Variants in TAC3 observed in about 807,000 individuals in gnomAD.
TAC3 encodes tachykinin precursor 3.
Under a neutral mutation model 16.5 loss-of-function variants are expected in TAC3, and 9 were observed. That is an observed-to-expected ratio of 0.55 (90% CI 0.33 to 0.95). The LOEUF (loss-of-function observed/expected upper bound fraction) is 0.95. TAC3 is among the 40% of genes least tolerant of loss of function. The pLI is 0.03. For missense variants in TAC3, 129 were observed against 149.1 expected, an observed-to-expected ratio of 0.87 and a Z score of 0.70; for synonymous variants, 52 against 56.7, an observed-to-expected ratio of 0.92 and a Z score of 0.37.
At chr12:57,012,580 CAG>C (rs779242125) in intron 5 of TAC3, 128 bp from the exon 6 acceptor site, 51 of 1,603,430 alleles carry the variant, frequency 3.2e-5, no homozygotes, top group Admixed American at 3.0e-4. Context: ...GGGGTGGAAG[CAG>C]AGTCTCCCTA....
chr12:57,013,162 C>T, intron 4 of TAC3, 197 bp downstream of exon 4: 1 of 747,228 alleles, frequency 1.3e-6, no homozygotes, highest in Non-Finnish European at 2.3e-6. Flanking sequence ...AGAGGGAGAG[C>T]CCACCATGCC....
At chr12:57,012,332 G>GCCCCCACCCCACTC in intron 6 of TAC3, 46 bp downstream of exon 6, 3 of 1,498,480 alleles carry the variant, frequency 2.0e-6, no homozygotes, top group African/African-American at 1.4e-5. Context: ...AACCCCCACA[G>GCCCCCACCCCACTC]CCCCCTCCCC....
chr12:57,012,372 C>G lies in TAC3; in HGVS notation c.*1+6G>C. On this transcript the variant is annotated splice_donor_region_variant and intron_variant, in intron 6 of 6. Transcript: ENST00000458521. ...CCCTCTCCCCTCTCTAATGAACAAT[C>G]CTTACCCTATTCTGCTCTCGGGGGA... 1 of 1,406,988 alleles carries G rather than the reference C, an allele frequency of 7.1e-7. No individual in the cohort carries two copies. Among genetic ancestry groups the G allele is most frequent in the South Asian group, 1.1e-5 (1 of 87,816 alleles). The allele number at this position is 1,406,988 out of a possible 1,614,324, so 87.2% of individuals were successfully genotyped here. A position where few individuals can be genotyped will look rare whatever the true frequency, so the allele number is the denominator to read the frequency against.
rs1207061882 is a variant in TAC3, at chr12:57,010,206, G to A, written c.*84C>T. On this transcript the variant is annotated 3_prime_UTR_variant, in exon 7 of 7. Transcript: ENST00000458521. ...ATGTTACAAGAACAGGGAAGAGAAA[G>A]GGTAACAGGAGCGTGCGCACCTGGG... 2.2e-6 allele frequency: 1 copy of A among 453,984 alleles called. No individual in the cohort carries two copies. Among genetic ancestry groups the A allele is most frequent in the Non-Finnish European group, 4.4e-6 (1 of 226,804 alleles). 28.1% of individuals were successfully genotyped at this position (453,984 alleles called of 1,614,324 possible).
In TAC3 at chr12:57,013,579, T is replaced by G; in HGVS notation, c.207A>C (p.Thr69=). The G allele has an allele frequency of 2.5e-6, 4 of 1,613,222 alleles. No individual in the cohort carries two copies. Among genetic ancestry groups the G allele is most frequent in the Non-Finnish European group, 3.4e-6 (4 of 1,179,828 alleles). The change falls in exon 3 of 7, where the codon ACA becomes ACC. Residue 69 remains threonine, a splice_region_variant and synonymous_variant. Transcript: ENST00000458521. ...CTCTCCCCTAGGGCCGCCTCCTACC[T>G]GTGCTAGCCTGGCTCAGGGCTTTGA... ...GLLKALSQAS[T]DPKESTSPEK...
intron 2 of TAC3, 94 bp downstream of exon 2, chr12:57,015,590 A>AC (rs138118215): frequency 2.7e-5 from 30 of 1,096,964 alleles, no homozygotes; most frequent in Non-Finnish European, 3.3e-5. Flanking sequence ...CTGACGGACA[A>AC]CCCCCCCACC....
At chr12:57,012,306 G>T in intron 6 of TAC3, 72 bp downstream of exon 6, 1 of 1,373,136 alleles carries the variant, frequency 7.3e-7, no homozygotes, top group Non-Finnish European at 1.0e-6. Context: ...AGCATGGGAG[G>T]AAATGCACAG....
intron 2 of TAC3, 36 bp downstream of exon 2, chr12:57,015,648 C>T (rs370171012): frequency 5.7e-6 from 9 of 1,587,752 alleles, no homozygotes; most frequent in African/African-American, 2.7e-5. Flanking sequence ...CCCAAGTTCC[C>T]GTGATGTCCC....
Position 57,012,370 on chromosome 12 carries a change from A to G in TAC3, c.*1+8T>C, listed in dbSNP as rs202057611. 4.4e-4 allele frequency: 704 copies of G among 1,612,930 alleles called. No homozygotes were observed. The highest frequency in any genetic ancestry group is 6.8e-4 in the South Asian group (62 of 90,944). ...TCCCCTCTCCCCTCTCTAATGAACAATCCTTACCCTATTCTGCTCTCGGGG... is the reference window on the plus strand; with the variant it reads ...TCCCCTCTCCCCTCTCTAATGAACAGTCCTTACCCTATTCTGCTCTCGGGG... On this transcript the variant is annotated splice_region_variant and intron_variant, in intron 6 of 6. Transcript: ENST00000458521.
chr12:57,012,129 C>G (rs756053739), intron 6 of TAC3: 4 of 534,194 alleles, frequency 7.5e-6, no homozygotes, highest in African/African-American at 1.9e-5. Context: ...TCTCCCAACA[C>G]TCACTCCTGC....
intron 6 of TAC3, 25 bp from the exon 7 acceptor site, chr12:57,010,313 CAA>C: frequency 2.7e-6 from 1 of 374,504 alleles, no homozygotes. Flanking sequence ...CAAAACAAAA[CAA>C]AAAAAAACAC....
chr12:57,013,456 T>C (rs1351948770), intron 3 of TAC3, 68 bp from the exon 4 acceptor site: 3 of 1,600,700 alleles, frequency 1.9e-6, no homozygotes, highest in Middle Eastern at 1.7e-4. Context: ...GGGGTTCAGA[T>C]CACAACCCTC....
In TAC3 at chr12:57,013,681, A is replaced by C. The variant is rs1166844090; in HGVS notation, c.115-10T>G. ...AGAGATCTGGATCCCTCTAGGGAAG[A>C]AACAAAGAGGGGTGAGGCAGGAGGC... On this transcript the variant is annotated splice_polypyrimidine_tract_variant and intron_variant, in intron 2 of 6. Coordinates refer to ENST00000458521, the MANE Select transcript of TAC3 (RefSeq NM_013251.4). The C allele has an allele frequency of 6.2e-7, 1 of 1,607,892 alleles. No individual in the cohort carries two copies. The highest frequency in any genetic ancestry group is 2.2e-5 in the East Asian group (1 of 44,842).
chr12:57,013,206 C>A, intron 4 of TAC3, 153 bp downstream of exon 4: 1 of 1,008,536 alleles, frequency 9.9e-7, no homozygotes, highest in Non-Finnish European at 1.6e-6. Flanking sequence ...TCTGGATGGC[C>A]TCTCCCTTTC....
intron 4 of TAC3, chr12:57,013,144 C>T (rs940342368): frequency 1.4e-6 from 1 of 729,228 alleles, no homozygotes; most frequent in Non-Finnish European, 2.3e-6. Context: ...TTCCAAGGAC[C>T]AGCCAGCAGA....
chr12:57,012,653 G>A, intron 5 of TAC3, 169 bp downstream of exon 5: 11 of 1,613,068 alleles, frequency 6.8e-6, no homozygotes, highest in Non-Finnish European at 7.6e-6. Flanking sequence ...TGTTCCCAGG[G>A]AAGACTTTCC....
intron 2 of TAC3, among the ~76,000 whole-genome samples, chr12:57,014,154 G>A (rs1321788108): frequency 1.3e-5 from 2 of 151,896 alleles, no homozygotes; most frequent in African/African-American, 4.8e-5. Flanking sequence ...CAGAAGGCAC[G>A]TCTTCTTCTC....
chr12:57,011,928 C>A (rs1435688742), intron 6 of TAC3, among the ~76,000 whole-genome samples: 1 of 152,228 alleles, frequency 6.6e-6, no homozygotes. Context: ...TGACTACCTT[C>A]TGGGCCCCGT....
At chr12:57,014,445 C>T (rs1956345538) in intron 2 of TAC3, among the ~76,000 whole-genome samples, 1 of 152,188 alleles carries the variant, frequency 6.6e-6, no homozygotes, top group Non-Finnish European at 1.5e-5. Flanking sequence ...CACCCCCACA[C>T]ATACCAACCC....
Sources: allele counts gnomAD v4.1 joint callset (sites outside exome capture counted in the v4.1 genomes callset), GRCh38; gene constraint gnomAD v4.1.1; transcripts MANE v1.5; gene names NCBI Gene and HGNC (gene_info 2026-07-23, HGNC 2026-07-21).